The following OR10H1 variants were observed in gnomAD, a reference collection of about 807,000 sequenced individuals.
OR10H1 encodes olfactory receptor family 10 subfamily H member 1, also known as olfactory receptor 10H1.
In OR10H1, 12 loss-of-function variants were observed where a neutral mutation model predicts 13.1. The observed-to-expected ratio is 0.92, with a 90% CI of 0.59 to 1.48. The LOEUF (loss-of-function observed/expected upper bound fraction) is 1.48. Among genes scored for constraint, OR10H1 ranks in the 40% most tolerant of loss-of-function variants. The pLI is 0.00. For missense variants in OR10H1, 363 were observed against 413.1 expected (o/e 0.88, Z 1.05); for synonymous variants, 168 against 175.6 (o/e 0.96, Z 0.34).
At chr19:15,813,952 G>A (rs1372802595) in intron 1 of OR10H1, among the ~76,000 whole-genome samples, 1 of 151,972 alleles carries the variant, frequency 6.6e-6, no homozygotes, top group Non-Finnish European at 1.5e-5. Flanking sequence ...CAAGCCCACT[G>A]TCTAGCACTG....
In OR10H1 at chr19:15,807,486, C is replaced by T; in HGVS notation, c.552G>A (p.Leu184=). 6.2e-7 allele frequency: 1 copy of T among 1,614,212 alleles called. No homozygotes were observed. Among genetic ancestry groups the T allele is most frequent in the Non-Finnish European group, 8.5e-7 (1 of 1,180,050 alleles). The stretch of plus-strand genomic sequence containing the variant: ...CATCGTCTCCACAGGCCAACTTCAA[C>T]AGAGGTGGCACATGGCAAGCAAAAT... The part of the protein sequence containing the change: ...IHHFACHVPP[L]LKLACGDDVL... Residue 184 remains leucine (L), a synonymous_variant, in exon 4 of 4, where the codon CTG becomes CTA. Coordinates refer to ENST00000641419, the MANE Select transcript of OR10H1 (RefSeq NM_013940.4).
rs535575484 is a variant in OR10H1 at position 15,805,705 on chromosome 19, C to T, written c.*1376G>A. 1.3e-5 allele frequency: 2 copies of T among 152,458 alleles called. No homozygotes were observed. The highest frequency in any genetic ancestry group is 3.9e-4 in the East Asian group (2 of 5,176). The allele number at this position is 152,458 out of a possible 1,614,324, so 9.4% of individuals were successfully genotyped here. A position where few individuals can be genotyped will look rare whatever the true frequency, so the allele number is the denominator to read the frequency against. On this transcript the variant is annotated 3_prime_UTR_variant, in exon 4 of 4. Coordinates refer to ENST00000641419, the MANE Select transcript of OR10H1 (RefSeq NM_013940.4). Reference sequence around the variant, plus strand: ...TCAGGGGATCCACCCACCTTGGCCTCCCAAAGTGCTGGGATTACAGGCATG... The same window carrying T: ...TCAGGGGATCCACCCACCTTGGCCTTCCAAAGTGCTGGGATTACAGGCATG...
At position 15,807,618 on chromosome 19, in the gene OR10H1, G is replaced by C. The variant is rs2088907462; in HGVS notation, c.420C>G (p.Gly140=). The change falls in exon 4 of 4, where the codon GGC becomes GGG. Residue 140 remains glycine, a synonymous_variant. Coordinates refer to ENST00000641419, the MANE Select transcript of OR10H1 (RefSeq NM_013940.4). Reference sequence around the variant, plus strand: ...AGGAGCAGCCCACCAGGCAGGCGCAGCCCCGCGGGCTCATGAGCACGTTGT... The same window carrying C: ...AGGAGCAGCCCACCAGGCAGGCGCACCCCCGCGGGCTCATGAGCACGTTGT... ...LRYNVLMSPR[G]CACLVGCSWA... 6.2e-7 allele frequency: 1 copy of C among 1,614,094 alleles called. No homozygotes were observed. Among genetic ancestry groups the C allele is most frequent in the South Asian group, 1.1e-5 (1 of 91,082 alleles).
rs752690437 is a variant in OR10H1 at position 15,807,523 on chromosome 19, T to G, written c.515A>C (p.Lys172Thr). The G allele has an allele frequency of 7.4e-6, 12 of 1,614,082 alleles. No individual in the cohort carries two copies. The South Asian group carries it at 1.3e-4, about 18-fold the overall frequency. The change falls in exon 4 of 4, where the codon AAG (lysine) becomes ACG (threonine). Residue 172 changes from lysine to threonine, a missense_variant. By Grantham distance (78) the Lys-to-Thr change is moderately conservative. Transcript: ENST00000641419. The part of the protein sequence containing the change: ...AIFHLAFCGH[K>T]EIHHFACHVP... ...ATGGCAAGCAAAATGGTGGATCTCCTTGTGTCCACAGAAGGCGAGGTGGAA... is the reference window on the plus strand; with the variant it reads ...ATGGCAAGCAAAATGGTGGATCTCCGTGTGTCCACAGAAGGCGAGGTGGAA...
At chr19:15,814,522 A>AGAGAGAGAGAGT (rs2088956097) in intron 1 of OR10H1, among the ~76,000 whole-genome samples, 1 of 121,546 alleles carries the variant, frequency 8.2e-6, no homozygotes, top group African/African-American at 3.6e-5. Flanking sequence ...AGAGAGAGAG[A>AGAGAGAGAGAGT]GAGAGAGAGA....
In OR10H1 at chr19:15,807,507, A is replaced by C; in HGVS notation, c.531T>G (p.Phe177Leu). The change falls in exon 4 of 4, where the codon TTT becomes TTG. Residue 177 changes from phenylalanine (F) to leucine (L), a missense_variant. Around this residue, in one of 3 missense-constraint regions of OR10H1, gnomAD observed 318 missense variants for 366.6 expected, o/e 0.87. Transcript: ENST00000641419. Reference sequence around the variant, plus strand: ...TCAACAGAGGTGGCACATGGCAAGCAAAATGGTGGATCTCCTTGTGTCCAC... The same window carrying C: ...TCAACAGAGGTGGCACATGGCAAGCCAAATGGTGGATCTCCTTGTGTCCAC... ...AFCGHKEIHH[F>L]ACHVPPLLKL... 1 of 1,614,196 alleles carries C rather than the reference A, an allele frequency of 6.2e-7. No homozygotes were observed. The highest frequency in any genetic ancestry group is 8.5e-7 in the Non-Finnish European group (1 of 1,180,030).
intron 1 of OR10H1, among the ~76,000 whole-genome samples, chr19:15,813,505 C>T (rs1415599558): frequency 6.9e-5 from 7 of 101,834 alleles, no homozygotes; most frequent in South Asian, 3.5e-4. Flanking sequence ...AGAGAGGAGG[C>T]GAGGGAGAAA....
chr19:15,813,629 GAGAT>G (rs1432927262), intron 1 of OR10H1, among the ~76,000 whole-genome samples: 2 of 149,252 alleles, frequency 1.3e-5, no homozygotes, highest in Non-Finnish European at 3.0e-5. Context: ...GAGAGAGAGA[GAGAT>G]GGAGGGAGAG....
chr19:15,810,886 A>C (rs1279714058), intron 2 of OR10H1, among the ~76,000 whole-genome samples: 1 of 118,330 alleles, frequency 8.5e-6, no homozygotes, highest in Non-Finnish European at 1.7e-5. Context: ...AAAATAAAGA[A>C]ATAAAATAAA....
intron 3 of OR10H1, 59 bp from the exon 4 acceptor site, chr19:15,808,107 T>C (rs1306366590): frequency 5.7e-6 from 8 of 1,411,108 alleles, no homozygotes; most frequent in Non-Finnish European, 7.9e-6. Flanking sequence ...TTCTCAGCCT[T>C]CCCCATACCT....
In OR10H1 at chr19:15,807,642, G is replaced by T. The variant is rs1568453146; in HGVS notation, c.396C>A (p.Tyr132Ter). 1.2e-6 allele frequency: 2 copies of T among 1,614,048 alleles called. No individual in the cohort carries two copies. The highest frequency in any genetic ancestry group is 1.3e-5 in the African/African-American group (1 of 74,942). ...RYVAICHPLRYNVLMSPRGCA... is the reference protein window; with the variant it reads ...RYVAICHPLR ...AGCCCCGCGGGCTCATGAGCACGTT[G>T]TAGCGCAGGGGGTGGCAGATGGCCA... Residue 132 changes from tyrosine to a stop codon, truncating the protein, a stop_gained, in exon 4 of 4, where the codon TAC (tyrosine) becomes TAA (stop). Coordinates refer to ENST00000641419, the MANE Select transcript of OR10H1 (RefSeq NM_013940.4). LOFTEE classifies it high-confidence loss of function.
rs2088936325 is a variant in OR10H1, at chr19:15,812,292, A to G, written c.-191T>C. 1 of 152,098 alleles carries G rather than the reference A, an allele frequency of 6.6e-6. No individual in the cohort carries two copies. The highest frequency in any genetic ancestry group is 6.6e-5 in the Admixed American group (1 of 15,240). The allele number at this position is 152,098 out of a possible 1,614,324, so 9.4% of individuals were successfully genotyped here. A position where few individuals can be genotyped will look rare whatever the true frequency, so the allele number is the denominator to read the frequency against. On this transcript the variant is annotated 5_prime_UTR_variant, in exon 2 of 4. The change abolishes the stop of an existing upstream ORF in the 5' untranslated region. Transcript: ENST00000641419. ...GCTGCTTCCCCATGACTGACCGTCT[A>G]CACACTCTTGTTCATATCAATTCAG... is the stretch of plus-strand genomic sequence containing the variant.
At position 15,806,417 on chromosome 19, in the gene OR10H1, G is replaced by A. The variant is rs372510662; in HGVS notation, c.*664C>T. The A allele has an allele frequency of 1.3e-5, 2 of 152,232 alleles. No homozygotes were observed. The highest frequency in any genetic ancestry group is 2.9e-5 in the Non-Finnish European group (2 of 68,146). 9.4% of individuals were successfully genotyped at this position (152,232 alleles called of 1,614,324 possible). On this transcript the variant is annotated 3_prime_UTR_variant, in exon 4 of 4. Coordinates refer to ENST00000641419, the MANE Select transcript of OR10H1 (RefSeq NM_013940.4). ...TGTTCATGGATTGTCTTTCTTTTAG[G>A]GGGGAAGGGATAGGGTCTCACTCTG...
At position 15,807,959 on chromosome 19, in the gene OR10H1, G is replaced by C; in HGVS notation, c.79C>G (p.Leu27Val). ...FSVFPHLQLMLFLLFLLMYLF... is the reference protein window; with the variant it reads ...FSVFPHLQLMVFLLFLLMYLF... ...TACATCAGCAGGAACAGCAGGAAGA[G>C]CATCAGCTGGAGGTGGGGGAAGACA... The change falls in exon 4 of 4, where the codon CTC becomes GTC. Residue 27 changes from leucine to valine, a missense_variant. Physicochemically the swap from Leu to Val is conservative, Grantham distance 32. This residue lies in a region of OR10H1 where 318 missense variants were observed against 366.6 expected (regional missense o/e 0.87). Transcript: ENST00000641419. 2 of 1,614,134 alleles carry C rather than the reference G, an allele frequency of 1.2e-6. No homozygotes were observed. The highest frequency in any genetic ancestry group is 4.5e-5 in the East Asian group (2 of 44,870).
At position 15,808,055 on chromosome 19, in the gene OR10H1, T is replaced by C; in HGVS notation, c.-11-7A>G. On this transcript the variant is annotated splice_polypyrimidine_tract_variant and splice_region_variant and intron_variant, in intron 3 of 3. Coordinates refer to ENST00000641419, the MANE Select transcript of OR10H1 (RefSeq NM_013940.4). ...CTCTGCATGGAGGCTGTGCCTGGGG[T>C]GAGATGTGACAGGGAGATGTCAGTT... The C allele has an allele frequency of 6.3e-7, 1 of 1,594,616 alleles. No homozygotes were observed. The highest frequency in any genetic ancestry group is 1.1e-5 in the South Asian group (1 of 89,422).
intron 2 of OR10H1, among the ~76,000 whole-genome samples, chr19:15,811,582 G>A (rs912603844): frequency 1.3e-5 from 2 of 152,010 alleles, no homozygotes; most frequent in Admixed American, 6.6e-5. Flanking sequence ...GAGTGCAGCC[G>A]CAACTCCTTC....
chr19:15,810,899 A>G (rs528175740), intron 2 of OR10H1, among the ~76,000 whole-genome samples: 8 of 55,976 alleles, frequency 1.4e-4, no homozygotes, highest in African/African-American at 1.0e-3. Context: ...AAAATAAAAT[A>G]AAAATAAAGA....
intron 2 of OR10H1, among the ~76,000 whole-genome samples, chr19:15,811,594 C>T (rs2088932805): frequency 6.6e-6 from 1 of 152,154 alleles, no homozygotes; most frequent in Middle Eastern, 3.2e-3. Flanking sequence ...AACTCCTTCA[C>T]ACCCTCCCTC....
chr19:15,814,480 TGAGAGAGA>T (rs58307648), intron 1 of OR10H1, among the ~76,000 whole-genome samples: 1,906 of 67,292 alleles, frequency 0.028, 10 homozygotes, highest in Non-Finnish European at 0.036. Context: ...TGTGTGTGTG[TGAGAGAGA>T]GAGAGAGAGA....
Sources: gnomAD v4.1 joint callset for allele counts (sites outside exome capture counted in the v4.1 genomes callset) on GRCh38, gnomAD v4.1.1 for gene constraint, gnomAD v4.1.1 regional missense constraint, MANE v1.5 for transcripts, NCBI Gene and HGNC (gene_info 2026-07-23, HGNC 2026-07-21) for gene names.